Variants in CDH12 observed in about 807,000 individuals in gnomAD.
CDH12 encodes the protein cadherin-12.
In CDH12, 41 loss-of-function variants were observed where a neutral mutation model predicts 74.1. The ratio of observed to expected loss-of-function variants is 0.55; its 90% CI spans 0.43 to 0.72. The LOEUF (loss-of-function observed/expected upper bound fraction) is 0.72, where lower values mean the gene tolerates loss of function less well. Among genes scored for constraint, CDH12 ranks in the 30% least tolerant of loss-of-function variants. The pLI is 0.00. For synonymous variants in CDH12, 399 were observed against 355.0 expected, an observed-to-expected ratio of 1.12 and a Z score of -1.39; for missense variants, 945 against 977.2, an observed-to-expected ratio of 0.97 and a Z score of 0.44.
intron 5 of CDH12, among the ~76,000 whole-genome samples, chr5:22,055,769 C>T (rs114937529): frequency 0.015 from 2,349 of 152,020 alleles, 55 homozygotes; most frequent in African/African-American, 0.053. Flanking sequence ...AATATGACTA[C>T]ACTTCAAAAC....
chr5:22,181,269 T>G lies in CDH12; in HGVS notation c.-187+31229A>C, dbSNP rs557286577. Among the ~76,000 whole-genome samples the G allele has an allele frequency of 2.0e-4, 30 of 152,282 alleles. No individual in the cohort carries two copies. The East Asian group carries it at 2.5e-3, about 13-fold the overall frequency. On this transcript the variant is annotated intron_variant, in intron 4 of 14. Transcript: ENST00000382254. ...AATCTAATAAACATTAGTAAGCTTT[T>G]TTTTTGCATTCATATTCCTAGAGAT...
intron 6 of CDH12, among the ~76,000 whole-genome samples, chr5:21,901,163 G>T (rs909496544): frequency 6.6e-6 from 1 of 152,086 alleles, no homozygotes; most frequent in Non-Finnish European, 1.5e-5. Flanking sequence ...TAAAATATAA[G>T]TTGAGTCATG....
At chr5:22,311,953 T>A (rs1738413003) in intron 3 of CDH12, among the ~76,000 whole-genome samples, 2 of 152,138 alleles carry the variant, frequency 1.3e-5, no homozygotes, top group Admixed American at 1.3e-4. Context: ...TAACTATATA[T>A]CAAAATATGA....
intron 1 of CDH12, among the ~76,000 whole-genome samples, chr5:22,828,644 A>T (rs1237844591): frequency 1.3e-5 from 2 of 152,140 alleles, no homozygotes; most frequent in Non-Finnish European, 2.9e-5. Flanking sequence ...AACTAATGTG[A>T]CCCAAGAGAA....
At chr5:22,253,320 A>G (rs1402578069) in intron 3 of CDH12, among the ~76,000 whole-genome samples, 1 of 151,778 alleles carries the variant, frequency 6.6e-6, no homozygotes, top group Non-Finnish European at 1.5e-5. Context: ...GCTTTAGCTT[A>G]TAAATAAATA....
intron 2 of CDH12, among the ~76,000 whole-genome samples, chr5:22,495,601 T>C (rs1424420801): frequency 6.6e-6 from 1 of 152,168 alleles, no homozygotes; most frequent in African/African-American, 2.4e-5. Context: ...CACATAAATA[T>C]ATATATGTAT....
At chr5:22,535,438 G>T (rs1228835627) in intron 1 of CDH12, among the ~76,000 whole-genome samples, 1 of 152,132 alleles carries the variant, frequency 6.6e-6, no homozygotes, top group Non-Finnish European at 1.5e-5. Context: ...TTACAGGCGT[G>T]AGCCAACGCA....
At chr5:22,518,027 G>T (rs1005521088) in intron 1 of CDH12, among the ~76,000 whole-genome samples, 20 of 152,054 alleles carry the variant, frequency 1.3e-4, no homozygotes, top group Non-Finnish European at 4.4e-5. Flanking sequence ...CTTTTTATAG[G>T]GTTACCCCTA....
intron 3 of CDH12, among the ~76,000 whole-genome samples, chr5:22,347,284 A>C (rs1179541381): frequency 6.6e-6 from 1 of 152,226 alleles, no homozygotes; most frequent in Non-Finnish European, 1.5e-5. Context: ...ATCAGCTGAC[A>C]GTGTGGCTAG....
Position 22,669,094 on chromosome 5 carries a change from C to G in CDH12, c.-522-163730G>C, listed in dbSNP as rs547595032. ...CCTCTGGCTGATGAAAATAAAATTA[C>G]ATTTTTTTTTCCTTTAGCCATTTTT... On this transcript the variant is annotated intron_variant, in intron 1 of 14. Transcript: ENST00000382254. Among the ~76,000 whole-genome samples, 81 of 152,132 alleles carry G rather than the reference C, an allele frequency of 5.3e-4. 1 individual carries two copies. The highest frequency in any genetic ancestry group is 6.8e-3 in the Middle Eastern group (2 of 294).
intron 1 of CDH12, among the ~76,000 whole-genome samples, chr5:22,742,974 G>C (rs1421450447): frequency 1.3e-5 from 2 of 151,472 alleles, no homozygotes; most frequent in African/African-American, 4.8e-5. Context: ...AATGTGGTTA[G>C]GCCTCATTCA....
intron 11 of CDH12, among the ~76,000 whole-genome samples, chr5:21,770,398 T>TGGCCTCA (rs1321653991): frequency 6.6e-6 from 1 of 151,990 alleles, no homozygotes; most frequent in Non-Finnish European, 1.5e-5. Context: ...CCAAGGCAAG[T>TGGCCTCA]GGATCACCTG....
chr5:22,149,867 T>C (rs990835937), intron 4 of CDH12, among the ~76,000 whole-genome samples: 3 of 152,066 alleles, frequency 2.0e-5, no homozygotes, highest in African/African-American at 7.2e-5. Flanking sequence ...TGGTGGCAGG[T>C]GCCTGTAATC....
chr5:22,806,127 A>T (rs996506922), intron 1 of CDH12, among the ~76,000 whole-genome samples: 7 of 152,148 alleles, frequency 4.6e-5, no homozygotes, highest in African/African-American at 1.7e-4. Context: ...ATACGTGTGC[A>T]TGTGTCTTTA....
chr5:22,282,942 A>T (rs1230639898), intron 3 of CDH12, among the ~76,000 whole-genome samples: 2 of 152,002 alleles, frequency 1.3e-5, no homozygotes, highest in Non-Finnish European at 2.9e-5. Flanking sequence ...AAGCACACGT[A>T]TGTTTATTGG....
At chr5:22,680,263 G>T (rs1318521675) in intron 1 of CDH12, among the ~76,000 whole-genome samples, 2 of 152,024 alleles carry the variant, frequency 1.3e-5, no homozygotes, top group Non-Finnish European at 2.9e-5. Context: ...ACTGGAAATG[G>T]TCATATTAAA....
At chr5:21,855,278 G>A (rs1024290030) in intron 6 of CDH12, among the ~76,000 whole-genome samples, 1 of 151,638 alleles carries the variant, frequency 6.6e-6, no homozygotes, top group Non-Finnish European at 1.5e-5. Context: ...AGGAATATTT[G>A]AGAAATTGAG....
chr5:22,059,197 T>A (rs571304484), intron 5 of CDH12, among the ~76,000 whole-genome samples: 14 of 152,282 alleles, frequency 9.2e-5, no homozygotes, highest in African/African-American at 2.9e-4. Flanking sequence ...GGGAGAGTTG[T>A]GTTTTCAACC....
intron 8 of CDH12, among the ~76,000 whole-genome samples, chr5:21,833,718 T>C (rs755570299): frequency 3.9e-5 from 5 of 129,104 alleles, no homozygotes; most frequent in African/African-American, 8.7e-5. Flanking sequence ...GTTTGCTCTG[T>C]AGACTACCTG....
Sources: gnomAD v4.1 joint callset for allele counts (sites outside exome capture counted in the v4.1 genomes callset) on GRCh38, gnomAD v4.1.1 for gene constraint, MANE v1.5 for transcripts, NCBI Gene and HGNC (gene_info 2026-07-23, HGNC 2026-07-21) for gene names.